LDLRAD2: variants seen among roughly 807,000 people sequenced by gnomAD.
LDLRAD2 encodes low-density lipoprotein receptor class A domain-containing protein 2.
LDLRAD2 carries 25 observed loss-of-function variants against 24.9 expected under a neutral mutation model. The ratio of observed to expected loss-of-function variants is 1.00; its 90% CI spans 0.73 to 1.40. LDLRAD2 has a LOEUF of 1.40. Ranked by LOEUF, LDLRAD2 falls within the 40% of genes most tolerant of loss-of-function variation. LDLRAD2 has a pLI of 0.00. For missense variants in LDLRAD2, 391 were observed against 366.2 expected (o/e 1.07, Z -0.55); for synonymous variants, 182 against 166.7 (o/e 1.09, Z -0.71).
At chr1:21,814,053 T>C (rs192425978) in intron 1 of LDLRAD2, among the ~76,000 whole-genome samples, 1 of 152,144 alleles carries the variant, frequency 6.6e-6, no homozygotes, top group African/African-American at 2.4e-5. Flanking sequence ...TGTATTTTAG[T>C]AGAGATGGGG....
At chr1:21,818,742 T>C (rs2097946895) in intron 3 of LDLRAD2, among the ~76,000 whole-genome samples, 1 of 152,078 alleles carries the variant, frequency 6.6e-6, no homozygotes, top group African/African-American at 2.4e-5. Flanking sequence ...GTAAATCAGG[T>C]TATGTCACTA....
chr1:21,821,990 T>C, intron 4 of LDLRAD2: 1 of 1,432,438 alleles, frequency 7.0e-7, no homozygotes, highest in Non-Finnish European at 9.1e-7. Flanking sequence ...ATGGGAATGA[T>C]ACTAGGCTCT....
At chr1:21,820,855 G>A (rs2097950532) in intron 3 of LDLRAD2, among the ~76,000 whole-genome samples, 1 of 152,200 alleles carries the variant, frequency 6.6e-6, no homozygotes, top group African/African-American at 2.4e-5. Context: ...AACTGTGAGT[G>A]GCATACATAG....
rs375391128 is a variant in LDLRAD2 at position 21,822,259 on chromosome 1, C to G, written c.*44C>G. 56 of 1,589,998 alleles carry G rather than the reference C, an allele frequency of 3.5e-5. No individual in the cohort carries two copies. Among genetic ancestry groups the G allele is most frequent in the Non-Finnish European group, 4.7e-5 (54 of 1,158,350 alleles). On this transcript the variant is annotated 3_prime_UTR_variant, in exon 5 of 5. Transcript: ENST00000344642. ...AGGAGGCCCCTGGCGGGGATAGCAC[C>G]GTTTATTAAGAAAAATCAAGACAAA...
chr1:21,824,526 C>A lies in LDLRAD2; in HGVS notation c.*2311C>A, dbSNP rs1557664606. ...GGAGCCCCAAGAGCCCAGCCGGATA[C>A]CCACACTCACCACACCCTGCCAGAG... On this transcript the variant is annotated 3_prime_UTR_variant, in exon 5 of 5. Transcript: ENST00000344642. The surrounding 1 kb of genome is among the most constrained non-coding windows in gnomAD (Gnocchi z 5.9). 1 of 1,612,986 alleles carries A rather than the reference C, an allele frequency of 6.2e-7. No homozygotes were observed. Among genetic ancestry groups the A allele is most frequent in the Non-Finnish European group, 8.5e-7 (1 of 1,179,892 alleles).
rs1386049323 is a variant in LDLRAD2 at position 21,821,456 on chromosome 1, C to T, written c.650C>T (p.Ser217Phe). Residue 217 changes from serine to phenylalanine, a missense_variant, in exon 4 of 5, where the codon TCT becomes TTT. Physicochemically the swap from Ser to Phe is radical, Grantham distance 155 (BLOSUM62 -2). Transcript: ENST00000344642. ...TCTGTTCTTTCCCATGCAGGTCCCT[C>T]TCCGGTGCCCAGCCAGACAGGAAGT... ...SWSPADCRGP[S>F]PVPSQTGSTD... The T allele has an allele frequency of 1.9e-6, 3 of 1,614,150 alleles. No homozygotes were observed. The highest frequency in any genetic ancestry group is 2.2e-5 in the South Asian group (2 of 91,082).
Position 21,823,478 on chromosome 1 carries a change from A to C in LDLRAD2, c.*1263A>C, listed in dbSNP as rs372290348. 1 of 1,600,442 alleles carries C rather than the reference A, an allele frequency of 6.2e-7. No individual in the cohort carries two copies. Among genetic ancestry groups the C allele is most frequent in the Non-Finnish European group, 8.5e-7 (1 of 1,177,500 alleles). On this transcript the variant is annotated 3_prime_UTR_variant, in exon 5 of 5. Coordinates refer to ENST00000344642, the MANE Select transcript of LDLRAD2 (RefSeq NM_001013693.3). ...TGCCCCCGGTCAGCGTGGCCACGTC[A>C]GGGGCTCCGCCTGCCGGGAGGTGAG...
intron 4 of LDLRAD2, 26 bp downstream of exon 4, chr1:21,821,637 A>C (rs1444321010): frequency 1.2e-6 from 2 of 1,609,034 alleles, no homozygotes. Context: ...TACTCTTCCC[A>C]CCAAAATCAT....
In LDLRAD2 at chr1:21,821,454, C is replaced by T. The variant is rs747075752; in HGVS notation, c.648C>T (p.Pro216=). 9 of 1,614,138 alleles carry T rather than the reference C, an allele frequency of 5.6e-6. No individual in the cohort carries two copies. In the South Asian group the frequency reaches 7.7e-5, roughly 14 times the overall value. The change falls in exon 4 of 5, where the codon CCC becomes CCT. Residue 216 remains proline (P), a synonymous_variant. Transcript: ENST00000344642. ...GSWSPADCRG[P]SPVPSQTGST... is the part of the protein sequence containing the mutation. ...GTTCTGTTCTTTCCCATGCAGGTCC[C>T]TCTCCGGTGCCCAGCCAGACAGGAA...
At chr1:21,813,068 G>A (rs755560298) in intron 1 of LDLRAD2, among the ~76,000 whole-genome samples, 7 of 152,146 alleles carry the variant, frequency 4.6e-5, no homozygotes, top group South Asian at 2.1e-4. Context: ...ATGCCGAGGC[G>A]GGCGGATCAT....
At chr1:21,821,334 TA>T in intron 3 of LDLRAD2, 115 bp from the exon 4 acceptor site, 2 of 1,386,062 alleles carry the variant, frequency 1.4e-6, no homozygotes, top group Non-Finnish European at 2.0e-6. Flanking sequence ...AACCTCTCTG[TA>T]AAATGGAAAC....
chr1:21,814,677 C>G lies in LDLRAD2; in HGVS notation c.365C>G (p.Ala122Gly). Residue 122 changes from alanine (A) to glycine (G), a missense_variant, in exon 2 of 5, where the codon GCG becomes GGG. Transcript: ENST00000344642. ...CAGTTCTACGAGGGCCCGCCGGGGGCGCCCCGGCCCCTGGGGTCCCCACTG... is the reference window on the plus strand; with the variant it reads ...CAGTTCTACGAGGGCCCGCCGGGGGGGCCCCGGCCCCTGGGGTCCCCACTG... ...YLQFYEGPPGAPRPLGSPLCG... is the reference protein window; with the variant it reads ...YLQFYEGPPGGPRPLGSPLCG... 6.4e-7 allele frequency: 1 copy of G among 1,569,136 alleles called. No homozygotes were observed. The highest frequency in any genetic ancestry group is 1.9e-5 in the Admixed American group (1 of 53,186).
At chr1:21,821,640 A>C (rs1377808056) in intron 4 of LDLRAD2, 29 bp downstream of exon 4, 9 of 1,608,890 alleles carry the variant, frequency 5.6e-6, no homozygotes, top group Non-Finnish European at 6.0e-6. Context: ...TCTTCCCACC[A>C]AAATCATACC....
rs920243654 is a variant in LDLRAD2, at chr1:21,824,022, C to T, written c.*1807C>T. On this transcript the variant is annotated 3_prime_UTR_variant, in exon 5 of 5. Transcript: ENST00000344642. This position sits in a 1 kb window ranked among gnomAD's most constrained non-coding sequence, Gnocchi z 5.9. The stretch of plus-strand genomic sequence containing the variant: ...CTCCCCTGGCTTCAAGTTCTGTCTC[C>T]ACAGAGCTCAATACCTGCCTCTCTG... The T allele has an allele frequency of 8.4e-7, 1 of 1,194,580 alleles. No individual in the cohort carries two copies. Among genetic ancestry groups the T allele is most frequent in the Non-Finnish European group, 1.2e-6 (1 of 823,428 alleles). 74.0% of individuals were successfully genotyped at this position (1,194,580 alleles called of 1,614,324 possible).
intron 3 of LDLRAD2, among the ~76,000 whole-genome samples, chr1:21,818,304 A>AG (rs1346704497): frequency 2.0e-5 from 3 of 151,860 alleles, no homozygotes; most frequent in Admixed American, 6.6e-5. Context: ...GAGCCTCCGC[A>AG]CCCGGCCTCA....
At chr1:21,814,896 C>A in intron 2 of LDLRAD2, 73 bp downstream of exon 2, 2 of 1,311,902 alleles carry the variant, frequency 1.5e-6, no homozygotes, top group Non-Finnish European at 2.0e-6. Flanking sequence ...AGTGGGGGCC[C>A]CGGTGAGGGC....
At position 21,814,767 on chromosome 1, in the gene LDLRAD2, C is replaced by T. The variant is rs2097942180; in HGVS notation, c.455C>T (p.Thr152Met). 6.7e-7 allele frequency: 1 copy of T among 1,490,962 alleles called. No homozygotes were observed. The highest frequency in any genetic ancestry group is 8.9e-7 in the Non-Finnish European group (1 of 1,125,772). The allele number at this position is 1,490,962 out of a possible 1,614,324, so 92.4% of individuals were successfully genotyped here. The stretch of plus-strand genomic sequence containing the variant: ...CCCTTTCTAGGCCTGCGCCTGGTCA[C>T]GAGAGGCCGCCAGCCCCGCGTGGAC... Reference protein sequence around the residue: ...SGPFLGLRLVTRGRQPRVDFV... With the variant: ...SGPFLGLRLVMRGRQPRVDFV... The change falls in exon 2 of 5, where the codon ACG becomes ATG. Residue 152 changes from threonine to methionine, a missense_variant. Coordinates refer to ENST00000344642, the MANE Select transcript of LDLRAD2 (RefSeq NM_001013693.3).
At chr1:21,817,281 C>A (rs990763396) in intron 3 of LDLRAD2, among the ~76,000 whole-genome samples, 6 of 152,204 alleles carry the variant, frequency 3.9e-5, no homozygotes, top group Admixed American at 3.3e-4. Flanking sequence ...TTGCCTCTGA[C>A]AACACAGGAA....
At chr1:21,812,952 A>G (rs1351319005) in intron 1 of LDLRAD2, among the ~76,000 whole-genome samples, 2 of 152,256 alleles carry the variant, frequency 1.3e-5, no homozygotes, top group Non-Finnish European at 2.9e-5. Context: ...ATTGGCATAT[A>G]AGATGAGATA....
Sources: allele counts gnomAD v4.1 joint callset (sites outside exome capture counted in the v4.1 genomes callset), GRCh38; gene constraint gnomAD v4.1.1; non-coding constraint Gnocchi (gnomAD v3.1); transcripts MANE v1.5; gene names NCBI Gene and HGNC (gene_info 2026-07-23, HGNC 2026-07-21).